Variants in TRPS1 observed in about 807,000 individuals in gnomAD.
The protein encoded by TRPS1 is zinc finger transcription factor Trps1.
In TRPS1, 6 loss-of-function variants were observed where a neutral mutation model predicts 101.2. The ratio of observed to expected loss-of-function variants is 0.06; its 90% CI spans 0.03 to 0.12. The LOEUF (loss-of-function observed/expected upper bound fraction) is 0.12. Among genes scored for constraint, TRPS1 ranks in the 10% least tolerant of loss-of-function variants. The pLI, the probability that TRPS1 is intolerant of heterozygous loss-of-function variation, is 1.00. For synonymous variants in TRPS1, 578 were observed against 589.8 expected, an observed-to-expected ratio of 0.98 and a Z score of 0.29; for missense variants, 1,363 against 1,567.0, an observed-to-expected ratio of 0.87 and a Z score of 2.20.
intron 5 of TRPS1, among the ~76,000 whole-genome samples, chr8:115,486,404 T>C (rs1814880850): frequency 6.6e-6 from 1 of 152,174 alleles, no homozygotes; most frequent in African/African-American, 2.4e-5. Context: ...CTAATATCCC[T>C]ACAGTAGCCT....
intron 1 of TRPS1, among the ~76,000 whole-genome samples, chr8:115,627,084 C>T (rs186762356): frequency 6.6e-6 from 1 of 151,632 alleles, no homozygotes; most frequent in East Asian, 1.9e-4. Context: ...CTGTAGGACA[C>T]ATGTATATAT....
At position 115,414,860 on chromosome 8, in the gene TRPS1, T is replaced by C. The variant is rs772263864; in HGVS notation, c.3048A>G (p.Lys1016=). 2 of 1,613,918 alleles carry C rather than the reference T, an allele frequency of 1.2e-6. No individual in the cohort carries two copies. The highest frequency in any genetic ancestry group is 1.7e-6 in the Non-Finnish European group (2 of 1,179,916). ...QREIPLPSLS[K]YEAQGSLTKS... is the part of the protein sequence containing the mutation. Reference sequence around the variant, plus strand: ...TAGTCAATGAACCCTGGGCTTCGTATTTACTTAGGCTGGGGAGTGGAATTT... The same window carrying C: ...TAGTCAATGAACCCTGGGCTTCGTACTTACTTAGGCTGGGGAGTGGAATTT... Residue 1016 remains lysine (K), a synonymous_variant, in exon 7 of 7, where the codon AAA becomes AAG. Coordinates refer to ENST00000395715, the MANE Select transcript of TRPS1 (RefSeq NM_014112.5). The surrounding 1 kb of genome is among the most constrained non-coding windows in gnomAD (Gnocchi z 4.8).
chr8:115,449,798 A>G (rs1400562192), intron 5 of TRPS1, among the ~76,000 whole-genome samples: 1 of 152,204 alleles, frequency 6.6e-6, no homozygotes, highest in African/African-American at 2.4e-5. Context: ...CAGTCCAATA[A>G]TGGCATACAT....
intron 1 of TRPS1, among the ~76,000 whole-genome samples, chr8:115,648,280 G>GC (rs976623541): frequency 0.037 from 2 of 54 alleles, no homozygotes; most frequent in African/African-American, 0.17. Flanking sequence ...GGCAGGCAGC[G>GC]CTGGAGAGGG....
intron 5 of TRPS1, among the ~76,000 whole-genome samples, chr8:115,575,300 T>C (rs1212190703): frequency 2.6e-5 from 4 of 152,124 alleles, no homozygotes; most frequent in African/African-American, 4.8e-5. Context: ...TGTAGCAGAA[T>C]ATACGCTGCT....
At chr8:115,478,143 C>T (rs1210047154) in intron 5 of TRPS1, among the ~76,000 whole-genome samples, 3 of 152,122 alleles carry the variant, frequency 2.0e-5, no homozygotes, top group Admixed American at 6.5e-5. Flanking sequence ...CAAATAGATG[C>T]CTCAAAAGAT....
At chr8:115,466,310 G>A (rs1814316768) in intron 5 of TRPS1, among the ~76,000 whole-genome samples, 1 of 152,148 alleles carries the variant, frequency 6.6e-6, no homozygotes, top group South Asian at 2.1e-4. Flanking sequence ...CAGTTTGACT[G>A]AAAGGTTAAA....
chr8:115,513,025 C>T (rs1212875318), intron 5 of TRPS1, among the ~76,000 whole-genome samples: 1 of 151,670 alleles, frequency 6.6e-6, no homozygotes, highest in East Asian at 1.9e-4. Context: ...CTTGTACCCA[C>T]ACCTTCTTAT....
chr8:115,523,873 T>C (rs899783599), intron 5 of TRPS1, among the ~76,000 whole-genome samples: 1 of 152,162 alleles, frequency 6.6e-6, no homozygotes, highest in Non-Finnish European at 1.5e-5. Flanking sequence ...ACTGGAAGGC[T>C]GACAAGGTTA....
intron 5 of TRPS1, among the ~76,000 whole-genome samples, chr8:115,429,652 G>A (rs1010941585): frequency 8.5e-5 from 13 of 152,104 alleles, no homozygotes; most frequent in African/African-American, 3.1e-4. Flanking sequence ...CCAAAACCGA[G>A]ACCTGGCAGC....
chr8:115,605,472 T>C (rs576868874), intron 3 of TRPS1, among the ~76,000 whole-genome samples: 2 of 152,252 alleles, frequency 1.3e-5, no homozygotes, highest in South Asian at 4.1e-4. Flanking sequence ...TTCTGTTCAG[T>C]TCCTACAGCA....
At chr8:115,474,678 T>C (rs800869) in intron 5 of TRPS1, among the ~76,000 whole-genome samples, 47,952 of 148,496 alleles carry the variant, frequency 0.32, 9,188 homozygotes, top group Non-Finnish European at 0.45. Context: ...ATTACACTTA[T>C]TAAAATATTC....
At chr8:115,429,670 G>A (rs902619347) in intron 5 of TRPS1, among the ~76,000 whole-genome samples, 3 of 152,056 alleles carry the variant, frequency 2.0e-5, no homozygotes, top group Non-Finnish European at 2.9e-5. Flanking sequence ...AGCCCAACTT[G>A]AGACACAAAA....
chr8:115,617,072 G>A (rs1429029687), intron 3 of TRPS1, among the ~76,000 whole-genome samples: 5 of 152,280 alleles, frequency 3.3e-5, no homozygotes, highest in African/African-American at 9.6e-5. Context: ...TATATTCAGT[G>A]TTATCCTCAC....
intron 5 of TRPS1, among the ~76,000 whole-genome samples, chr8:115,475,460 C>T (rs899701653): frequency 6.6e-6 from 1 of 151,610 alleles, no homozygotes; most frequent in African/African-American, 2.4e-5. Context: ...ATTTACTGCA[C>T]AGAAAAACGG....
intron 5 of TRPS1, among the ~76,000 whole-genome samples, chr8:115,575,169 T>C (rs1245183494): frequency 6.6e-6 from 1 of 152,050 alleles, no homozygotes; most frequent in Non-Finnish European, 1.5e-5. Context: ...ATACTAAAAG[T>C]GGCACTATTG....
At chr8:115,527,785 T>G (rs948999133) in intron 5 of TRPS1, among the ~76,000 whole-genome samples, 5 of 152,100 alleles carry the variant, frequency 3.3e-5, no homozygotes, top group Non-Finnish European at 5.9e-5. Flanking sequence ...AAGAAGCCAT[T>G]CTGGTATTAC....
rs1815616491 is a variant in TRPS1, at chr8:115,512,749, T to C, written c.2700+74252A>G. Among the ~76,000 whole-genome samples the C allele has an allele frequency of 2.0e-5, 3 of 151,730 alleles. No homozygotes were observed. In the South Asian group the frequency reaches 6.2e-4, roughly 31 times the overall value. On this transcript the variant is annotated intron_variant, in intron 5 of 6. Coordinates refer to ENST00000395715, the MANE Select transcript of TRPS1 (RefSeq NM_014112.5). ...GTGTGCATATATTGAATTCCATAAA[T>C]ATATGGTCATGTAAGACTACTGCAT...
intron 3 of TRPS1, among the ~76,000 whole-genome samples, chr8:115,613,630 T>C (rs1441461752): frequency 6.6e-6 from 1 of 152,228 alleles, no homozygotes; most frequent in Non-Finnish European, 1.5e-5. Flanking sequence ...TTGGGCAGGA[T>C]ACTTTAATAT....
Sources: gnomAD v4.1 joint callset for allele counts (sites outside exome capture counted in the v4.1 genomes callset) on GRCh38, gnomAD v4.1.1 for gene constraint, Gnocchi (gnomAD v3.1) non-coding constraint, MANE v1.5 for transcripts, NCBI Gene and HGNC (gene_info 2026-07-23, HGNC 2026-07-21) for gene names.